Variants in FBXL6 observed in about 807,000 individuals in gnomAD.
The protein encoded by FBXL6 is F-box and leucine rich repeat protein 6.
FBXL6 carries 50 observed loss-of-function variants against 53.3 expected under a neutral mutation model. The observed-to-expected ratio is 0.94, with a 90% confidence interval of 0.75 to 1.19. FBXL6 has a LOEUF of 1.19. FBXL6 is among the 50% of genes most tolerant of loss of function. FBXL6 has a pLI of 0.00. For missense variants in FBXL6, 815 were observed against 719.0 expected (o/e 1.13, Z -1.53); for synonymous variants, 405 against 322.9 (o/e 1.25, Z -2.73).
rs782662721 is a variant in FBXL6, at chr8:144,357,796, C to T, written c.417-10G>A. 8.4e-6 allele frequency: 13 copies of T among 1,539,882 alleles called. No homozygotes were observed. Among genetic ancestry groups the T allele is most frequent in the Non-Finnish European group, 9.6e-6 (11 of 1,146,530 alleles). ...GCACACGCGCGCAGCCCTGGGAGGA[C>T]AGCGTGCTGAGGGTGCCGGCCCCTC... On this transcript the variant is annotated splice_polypyrimidine_tract_variant and intron_variant, in intron 1 of 8. Coordinates refer to ENST00000331890, the MANE Select transcript of FBXL6 (RefSeq NM_012162.4).
chr8:144,356,930 C>G lies in FBXL6; in HGVS notation c.772-15G>C, dbSNP rs1554852974. 1 of 1,613,234 alleles carries G rather than the reference C, an allele frequency of 6.2e-7. No homozygotes were observed. The highest frequency in any genetic ancestry group is 2.2e-5 in the East Asian group (1 of 44,886). On this transcript the variant is annotated splice_polypyrimidine_tract_variant and intron_variant, in intron 4 of 8. Transcript: ENST00000331890. Reference sequence around the variant, plus strand: ...GTGGACTCCACCTGGGGCCCCAATACAAGAGCACCCGTCACCCCGGCCTGG... The same window carrying G: ...GTGGACTCCACCTGGGGCCCCAATAGAAGAGCACCCGTCACCCCGGCCTGG...
In FBXL6 at chr8:144,358,214, C is replaced by G; in HGVS notation, c.234G>C (p.Ala78=). Residue 78 remains alanine, a synonymous_variant, in exon 1 of 9, where the codon GCG becomes GCC. Coordinates refer to ENST00000331890, the MANE Select transcript of FBXL6 (RefSeq NM_012162.4). ...ACCTGAGCCCGGCCTTGGGCTTGGC[C>G]GCGGCGCTGGGGCCCCGGGGCGGCT... The part of the protein sequence containing the change: ...PRQPPRGPSA[A]AKPKAGLRSE... 3 of 1,219,624 alleles carry G rather than the reference C, an allele frequency of 2.5e-6. No individual in the cohort carries two copies. The South Asian group carries it at 1.2e-4, about 47-fold the overall frequency. The allele number at this position is 1,219,624 out of a possible 1,614,324, so 75.6% of individuals were successfully genotyped here. A position where few individuals can be genotyped will look rare whatever the true frequency, so the allele number is the denominator to read the frequency against.
Position 144,356,584 on chromosome 8 carries a change from G to T in FBXL6, c.993+16C>A. The T allele has an allele frequency of 6.2e-7, 1 of 1,612,560 alleles. No homozygotes were observed. The highest frequency in any genetic ancestry group is 8.5e-7 in the Non-Finnish European group (1 of 1,179,620). On this transcript the variant is annotated intron_variant, in intron 6 of 8. Transcript: ENST00000331890. ...GGGGAGGGTGTGACAGGTGGGAGAG[G>T]CAGGGCGCCAGGTACCTGGAGCTGA...
intron 5 of FBXL6, 34 bp from the exon 6 acceptor site, chr8:144,356,747 G>A (rs782472849): frequency 6.2e-7 from 1 of 1,609,054 alleles, no homozygotes; most frequent in Non-Finnish European, 8.5e-7. Flanking sequence ...AGGTCACAGG[G>A]TCAGTGGCCT....
rs782424510 is a variant in FBXL6, at chr8:144,358,335, T to C, written c.113A>G (p.His38Arg). The C allele has an allele frequency of 3.9e-6, 5 of 1,267,326 alleles. No homozygotes were observed. The highest frequency in any genetic ancestry group is 5.0e-6 in the Non-Finnish European group (5 of 1,008,290). The allele number at this position is 1,267,326 out of a possible 1,614,324, so 78.5% of individuals were successfully genotyped here. A position where few individuals can be genotyped will look rare whatever the true frequency, so the allele number is the denominator to read the frequency against. The change falls in exon 1 of 9, where the codon CAC becomes CGC. Residue 38 changes from histidine to arginine, a missense_variant. By Grantham distance (29) the His-to-Arg change is conservative. Coordinates refer to ENST00000331890, the MANE Select transcript of FBXL6 (RefSeq NM_012162.4). Reference sequence around the variant, plus strand: ...CAGCATGCTGTCGGACTGCAGCAGGTGGTACCCCGAGCCCCTCGGCGCCAG... The same window carrying C: ...CAGCATGCTGTCGGACTGCAGCAGGCGGTACCCCGAGCCCCTCGGCGCCAG... Reference protein sequence around the residue: ...DRLAPRGSGYHLLQSDSMLLV... With the variant: ...DRLAPRGSGYRLLQSDSMLLV...
rs1372058317 is a variant in FBXL6 at position 144,355,586 on chromosome 8, A to G, written c.1565T>C (p.Leu522Pro). The change falls in exon 9 of 9, where the codon CTG (leucine) becomes CCG (proline). Residue 522 changes from leucine to proline, a missense_variant. By Grantham distance (98) the Leu-to-Pro change is moderately conservative (BLOSUM62 -3). Transcript: ENST00000331890. ...PRGLKRAYRG[L>P]EEVQWCLEQL... Reference sequence around the variant, plus strand: ...CTCCAGACACCACTGGACTTCCTCCAGGCCCCGGTAGGCCCGCTTCAGACC... The same window carrying G: ...CTCCAGACACCACTGGACTTCCTCCGGGCCCCGGTAGGCCCGCTTCAGACC... The G allele has an allele frequency of 6.2e-7, 1 of 1,611,192 alleles. No homozygotes were observed. Among genetic ancestry groups the G allele is most frequent in the Non-Finnish European group, 8.5e-7 (1 of 1,179,950 alleles).
chr8:144,356,433 C>T lies in FBXL6; in HGVS notation c.1092G>A (p.Ala364=), dbSNP rs1818420262. ...GFPSLEELCL[A]SSTCNFVSNE... ...TGCTCACAAAGTTGCAGGTTGAGCT[C>T]GCCAGGCAGAGCTCCTCTAGGCTAG... Residue 364 remains alanine (A), a synonymous_variant, in exon 7 of 9, where the codon GCG becomes GCA. Coordinates refer to ENST00000331890, the MANE Select transcript of FBXL6 (RefSeq NM_012162.4). 5.6e-6 allele frequency: 9 copies of T among 1,612,914 alleles called. No individual in the cohort carries two copies. Among genetic ancestry groups the T allele is most frequent in the South Asian group, 2.2e-5 (2 of 91,090 alleles).
Position 144,355,614 on chromosome 8 carries a change from G to A in FBXL6, c.1537C>T (p.Arg513Trp), listed in dbSNP as rs137862297. ...LNLESCRCLP[R>W]GLKRAYRGLE... ...CCCCGGTAGGCCCGCTTCAGACCCCGGGGAAGGCAGCGGCAGGACTCCAGG... is the reference window on the plus strand; with the variant it reads ...CCCCGGTAGGCCCGCTTCAGACCCCAGGGAAGGCAGCGGCAGGACTCCAGG... Residue 513 changes from arginine to tryptophan, a missense_variant, in exon 9 of 9, where the codon CGG becomes TGG. Arg to Trp is a moderately radical substitution (Grantham distance 101). Transcript: ENST00000331890. The A allele has an allele frequency of 2.4e-5, 39 of 1,611,156 alleles. No homozygotes were observed. Among genetic ancestry groups the A allele is most frequent in the African/African-American group, 4.0e-5 (3 of 74,858 alleles).
rs1258945619 is a variant in FBXL6 at position 144,356,048 on chromosome 8, G to C, written c.1392C>G (p.Phe464Leu). 6.2e-7 allele frequency: 1 copy of C among 1,612,904 alleles called. No individual in the cohort carries two copies. ...GGTGTGAGCCCCCAGGGGTGCTTAAGAAGGCAGCCAGGGCCTGCTCCAGGT... is the reference window on the plus strand; with the variant it reads ...GGTGTGAGCCCCCAGGGGTGCTTAACAAGGCAGCCAGGGCCTGCTCCAGGT... The part of the protein sequence containing the change: ...EKDLEQALAA[F>L]LSTPGGSHPA... The change falls in exon 8 of 9, where the codon TTC becomes TTG. Residue 464 changes from phenylalanine (F) to leucine (L), a missense_variant. Physicochemically the swap from Phe to Leu is conservative, Grantham distance 22 (BLOSUM62 0). Coordinates refer to ENST00000331890, the MANE Select transcript of FBXL6 (RefSeq NM_012162.4).
At position 144,356,109 on chromosome 8, in the gene FBXL6, T is replaced by C. The variant is rs1554852704; in HGVS notation, c.1331A>G (p.Glu444Gly). The change falls in exon 8 of 9, where the codon GAA becomes GGA. Residue 444 changes from glutamate to glycine, a missense_variant. By Grantham distance (98) the Glu-to-Gly change is moderately conservative. Coordinates refer to ENST00000331890, the MANE Select transcript of FBXL6 (RefSeq NM_012162.4). The part of the protein sequence containing the change: ...LTQKWCHTLR[E>G]LDLSGQGFSE... Reference sequence around the variant, plus strand: ...GAACCCCTGGCCACTCAAGTCCAGTTCTCGCAGTGTATGGCACCACTTCTG... The same window carrying C: ...GAACCCCTGGCCACTCAAGTCCAGTCCTCGCAGTGTATGGCACCACTTCTG... 1.2e-6 allele frequency: 2 copies of C among 1,612,962 alleles called. No individual in the cohort carries two copies. The highest frequency in any genetic ancestry group is 1.7e-6 in the Non-Finnish European group (2 of 1,180,022).
rs1462848953 is a variant in FBXL6 at position 144,358,206 on chromosome 8, G to A, written c.242C>T (p.Pro81Leu). 20 of 1,227,348 alleles carry A rather than the reference G, an allele frequency of 1.6e-5. No individual in the cohort carries two copies. Among genetic ancestry groups the A allele is most frequent in the Non-Finnish European group, 2.0e-5 (20 of 985,350 alleles). The allele number at this position is 1,227,348 out of a possible 1,614,324, so 76.0% of individuals were successfully genotyped here. Residue 81 changes from proline to leucine, a missense_variant, in exon 1 of 9, where the codon CCC becomes CTC. Pro to Leu is a moderately conservative substitution (Grantham distance 98). Coordinates refer to ENST00000331890, the MANE Select transcript of FBXL6 (RefSeq NM_012162.4). The stretch of plus-strand genomic sequence containing the variant: ...CGCCTCGGACCTGAGCCCGGCCTTG[G>A]GCTTGGCCGCGGCGCTGGGGCCCCG... ...PPRGPSAAAK[P>L]KAGLRSEAAA...
chr8:144,357,784 G>C lies in FBXL6; in HGVS notation c.419C>G (p.Ala140Gly), dbSNP rs782600767. The C allele has an allele frequency of 1.3e-6, 2 of 1,558,250 alleles. No homozygotes were observed. Among genetic ancestry groups the C allele is most frequent in the Non-Finnish European group, 1.7e-6 (2 of 1,155,534 alleles). The change falls in exon 2 of 9, where the codon GCT (alanine) becomes GGT (glycine). Residue 140 changes from alanine (A) to glycine (G), a missense_variant and splice_region_variant. Physicochemically the swap from Ala to Gly is moderately conservative, Grantham distance 60 (BLOSUM62 0). Transcript: ENST00000331890. ...CTGCCAGCGGCGGCACACGCGCGCA[G>C]CCCTGGGAGGACAGCGTGCTGAGGG... The part of the protein sequence containing the change: ...ADGPMPFLGR[A>G]ARVCRRWQEA...
At position 144,357,478 on chromosome 8, in the gene FBXL6, G is replaced by A. The variant is rs368413712; in HGVS notation, c.600C>T (p.Thr200=). Residue 200 remains threonine, a synonymous_variant, in exon 3 of 9, where the codon ACC becomes ACT. Coordinates refer to ENST00000331890, the MANE Select transcript of FBXL6 (RefSeq NM_012162.4). ...PNRFSQLQRL[T]LIHWKSQVHP... ...GTACCTGAGACTTCCAGTGGATGAG[G>A]GTCAGCCTCTGGAGCTGTGAAAACC... 15 of 1,613,240 alleles carry A rather than the reference G, an allele frequency of 9.3e-6. No individual in the cohort carries two copies. In the African/African-American group the frequency reaches 1.7e-4, roughly 19 times the overall value.
chr8:144,356,095 C>T lies in FBXL6; in HGVS notation c.1345G>A (p.Gly449Ser), dbSNP rs782309690. The T allele has an allele frequency of 1.7e-5, 28 of 1,612,858 alleles. No individual in the cohort carries two copies. In the Middle Eastern group the frequency reaches 4.9e-4, roughly 28 times the overall value. Residue 449 changes from glycine (G) to serine (S), a missense_variant, in exon 8 of 9, where the codon GGC becomes AGC. Coordinates refer to ENST00000331890, the MANE Select transcript of FBXL6 (RefSeq NM_012162.4). ...CHTLRELDLSGQGFSEKDLEQ... is the reference protein window; with the variant it reads ...CHTLRELDLSSQGFSEKDLEQ... ...AGGTCCTTCTCACTGAACCCCTGGC[C>T]ACTCAAGTCCAGTTCTCGCAGTGTA...
In FBXL6 at chr8:144,356,825, T is replaced by C. The variant is rs1554852940; in HGVS notation, c.862A>G (p.Ile288Val). Residue 288 changes from isoleucine to valine, a missense_variant, in exon 5 of 9, where the codon ATC becomes GTC. Transcript: ENST00000331890. ...CAACTTACCAGCAGTGCGCCCAGGA[T>C]GGCTGTCGTCTGGGAGCTGTAGGTC... ...WLTYSSQTTA[I>V]LGALLGSCCP... The C allele has an allele frequency of 6.2e-7, 1 of 1,613,330 alleles. No homozygotes were observed. The highest frequency in any genetic ancestry group is 8.5e-7 in the Non-Finnish European group (1 of 1,180,020).
intron 8 of FBXL6, 127 bp from the exon 9 acceptor site, chr8:144,355,805 G>C: frequency 6.6e-7 from 1 of 1,517,850 alleles, no homozygotes; most frequent in Non-Finnish European, 8.9e-7. Flanking sequence ...GCCAAGCCCA[G>C]TTCCCCTGGT....
chr8:144,356,662 G>C lies in FBXL6; in HGVS notation c.931C>G (p.Arg311Gly), dbSNP rs201204346. The change falls in exon 6 of 9, where the codon CGT (arginine) becomes GGT (glycine). Residue 311 changes from arginine (R) to glycine (G), a missense_variant. Physicochemically the swap from Arg to Gly is moderately radical, Grantham distance 125. Coordinates refer to ENST00000331890, the MANE Select transcript of FBXL6 (RefSeq NM_012162.4). ...QVLEVSTGIN[R>G]NSIPLQLPVE... ...GGCAGCTGAAGGGGAATGCTATTAC[G>C]GTTGATGCCGGTGCTCACCTCCAGG... 2.4e-5 allele frequency: 39 copies of C among 1,612,706 alleles called. No homozygotes were observed. Among genetic ancestry groups the C allele is most frequent in the Non-Finnish European group, 3.1e-5 (37 of 1,179,978 alleles).
rs782087192 is a variant in FBXL6 at position 144,358,261 on chromosome 8, C to G, written c.187G>C (p.Ala63Pro). 2 of 1,220,264 alleles carry G rather than the reference C, an allele frequency of 1.6e-6. No homozygotes were observed. The highest frequency in any genetic ancestry group is 3.1e-5 in the African/African-American group (2 of 63,824). 75.6% of individuals were successfully genotyped at this position (1,220,264 alleles called of 1,614,324 possible). The change falls in exon 1 of 9, where the codon GCT becomes CCT. Residue 63 changes from alanine to proline, a missense_variant. Physicochemically the swap from Ala to Pro is conservative, Grantham distance 27 (BLOSUM62 -1). Transcript: ENST00000331890. ...GPARPRAQRR[A>P]SRRTPRQPPR... ...GGCTGCCGGGGAGTGCGGCGGGAAG[C>G]GCGCCGCTGTGCGCGGGGCCGGGCG...
chr8:144,356,390 GGCGGCCCAGGACCTCGTT>G lies in FBXL6; in HGVS notation c.1117_1134del (p.Asn373_Arg378del), dbSNP rs782155690. ...CGCAGGTTGGGAGAGCCGTGGAGTA[GGCGGCCCAGGACCTCGTT>G]GCTCACAAAGTTGCAGGTTGAGCTC... On this transcript the variant is annotated inframe_deletion, in exon 7 of 9. Transcript: ENST00000331890. 6.2e-7 allele frequency: 1 copy of G among 1,613,142 alleles called. No homozygotes were observed. Among genetic ancestry groups the G allele is most frequent in the Non-Finnish European group, 8.5e-7 (1 of 1,180,044 alleles).
Sources: allele counts gnomAD v4.1 joint callset, GRCh38; gene constraint gnomAD v4.1.1; transcripts MANE v1.5; gene names NCBI Gene and HGNC (gene_info 2026-07-23, HGNC 2026-07-21).